CERS6: variants seen among roughly 807,000 people sequenced by gnomAD.
CERS6 encodes the protein LAG1 homolog, ceramide synthase 6.
A neutral mutation model predicts 56.8 loss-of-function variants in CERS6; 26 were observed. That is an observed-to-expected ratio of 0.46 (90% CI 0.34 to 0.63). CERS6 has a LOEUF of 0.63. Ranked by LOEUF, CERS6 falls within the 30% of genes least tolerant of loss-of-function variation. The pLI, the probability that CERS6 is intolerant of heterozygous loss-of-function variation, is 0.01. For missense variants in CERS6, 415 were observed against 467.5 expected, an observed-to-expected ratio of 0.89 and a Z score of 1.04; for synonymous variants, 164 against 173.3, an observed-to-expected ratio of 0.95 and a Z score of 0.42.
chr2:168,524,846 A>C (rs1030649251), intron 1 of CERS6, among the ~76,000 whole-genome samples: 2 of 150,900 alleles, frequency 1.3e-5, no homozygotes, highest in Non-Finnish European at 3.0e-5. Context: ...TAATTATAGT[A>C]TATATTAATA....
intron 1 of CERS6, among the ~76,000 whole-genome samples, chr2:168,529,914 A>G (rs1308867397): frequency 6.6e-6 from 1 of 150,426 alleles, no homozygotes; most frequent in African/African-American, 2.5e-5. Context: ...ATTTAGCTTC[A>G]GGGGCAATTT....
intron 1 of CERS6, among the ~76,000 whole-genome samples, chr2:168,522,512 A>G (rs1246544906): frequency 6.6e-6 from 1 of 151,926 alleles, no homozygotes; most frequent in African/African-American, 2.4e-5. Context: ...GAAGTTAGGA[A>G]TTGGCTCTTC....
At chr2:168,691,214 T>G in intron 5 of CERS6, 130 bp downstream of exon 5, 1 of 760,776 alleles carries the variant, frequency 1.3e-6, no homozygotes, top group South Asian at 1.5e-5. Context: ...CGCTGATCAG[T>G]GCTGGACATA....
At chr2:168,582,227 A>G (rs1007198380) in intron 3 of CERS6, among the ~76,000 whole-genome samples, 7 of 152,196 alleles carry the variant, frequency 4.6e-5, no homozygotes, top group African/African-American at 1.7e-4. Context: ...AGTGTCTTCT[A>G]TAATATCCTC....
At chr2:168,502,478 G>A (rs904857970) in intron 1 of CERS6, among the ~76,000 whole-genome samples, 3 of 152,152 alleles carry the variant, frequency 2.0e-5, no homozygotes, top group African/African-American at 7.2e-5. Flanking sequence ...AGCTTTGGCT[G>A]CTTCATCTGC....
intron 8 of CERS6, among the ~76,000 whole-genome samples, chr2:168,760,318 A>G (rs1409444226): frequency 6.6e-6 from 1 of 152,216 alleles, no homozygotes; most frequent in Non-Finnish European, 1.5e-5. Context: ...AGAAGCATCC[A>G]GCACGGGAGA....
At chr2:168,461,700 C>T (rs867781105) in intron 1 of CERS6, among the ~76,000 whole-genome samples, 7 of 152,080 alleles carry the variant, frequency 4.6e-5, no homozygotes, top group Admixed American at 3.9e-4. Flanking sequence ...TGTTAAGGGG[C>T]AGTGCCTTAG....
intron 1 of CERS6, among the ~76,000 whole-genome samples, chr2:168,483,220 T>C (rs1694209120): frequency 6.6e-6 from 1 of 152,220 alleles, no homozygotes; most frequent in African/African-American, 2.4e-5. Flanking sequence ...TTTTACTTCT[T>C]TTTTTATAGA....
chr2:168,564,619 T>C (rs188100046), intron 3 of CERS6, among the ~76,000 whole-genome samples: 164 of 152,242 alleles, frequency 1.1e-3, no homozygotes, highest in African/African-American at 3.7e-3. Context: ...TTCTAGAGGG[T>C]TGTGTTTTTA....
At chr2:168,601,787 T>C (rs780444345) in intron 3 of CERS6, among the ~76,000 whole-genome samples, 2 of 152,172 alleles carry the variant, frequency 1.3e-5, no homozygotes, top group African/African-American at 4.8e-5. Flanking sequence ...TGACATCAGG[T>C]GATCCGCCCA....
intron 1 of CERS6, among the ~76,000 whole-genome samples, chr2:168,476,420 ATGTCTTAGGGTTG>A (rs1298452214): frequency 6.6e-6 from 1 of 152,182 alleles, no homozygotes; most frequent in African/African-American, 2.4e-5. Context: ...TCAAGTATAT[ATGTCTTAGGGTTG>A]TGTCTTAGGG....
Position 168,719,703 on chromosome 2 carries a change from T to C in CERS6, c.845+1725T>C, listed in dbSNP as rs1280449735. ...TCTCTGTTATATCAGCAATCCATGG[T>C]CCTCAAAGACAGCATACACCATGAT... On this transcript the variant is annotated intron_variant, in intron 8 of 9. Coordinates refer to ENST00000305747, the MANE Select transcript of CERS6 (RefSeq NM_203463.3). 2.0e-5 allele frequency among the ~76,000 whole-genome samples: 3 copies of C among 152,282 alleles called. No individual in the cohort carries two copies. The East Asian group carries it at 5.8e-4, about 29-fold the overall frequency.
intron 4 of CERS6, among the ~76,000 whole-genome samples, chr2:168,650,144 T>C (rs1465615756): frequency 2.0e-5 from 3 of 152,194 alleles, no homozygotes; most frequent in African/African-American, 7.2e-5. Context: ...GCTCACTTGC[T>C]CCAGGTTTAA....
At chr2:168,625,781 T>C (rs2105290102) in intron 3 of CERS6, among the ~76,000 whole-genome samples, 1 of 152,238 alleles carries the variant, frequency 6.6e-6, no homozygotes, top group South Asian at 2.1e-4. Context: ...AGAAAAACCC[T>C]CTGGGTAATA....
chr2:168,631,665 TTTTATA>T (rs57817190), intron 4 of CERS6, among the ~76,000 whole-genome samples: 93,391 of 100,170 alleles, frequency 0.93, 43,814 homozygotes, highest in Non-Finnish European at 0.98. Context: ...ATATATAACA[TTTTATA>T]TTTATATTTA....
chr2:168,762,440 T>C (rs931383108), intron 8 of CERS6, among the ~76,000 whole-genome samples: 2 of 152,200 alleles, frequency 1.3e-5, no homozygotes, highest in Admixed American at 1.3e-4. Context: ...ACTCTGGTGT[T>C]TATTAATATG....
chr2:168,629,230 A>G (rs1403812269), intron 3 of CERS6, among the ~76,000 whole-genome samples: 4 of 152,232 alleles, frequency 2.6e-5, no homozygotes, highest in Non-Finnish European at 4.4e-5. Context: ...TGACTTCTGT[A>G]AAACTTTTTT....
chr2:168,659,328 A>G lies in CERS6; in HGVS notation c.465+28286A>G, dbSNP rs114231484. Among the ~76,000 whole-genome samples, 777 of 152,296 alleles carry G rather than the reference A, an allele frequency of 5.1e-3. 4 individuals carry two copies. The highest frequency in any genetic ancestry group is 0.017 in the African/African-American group (687 of 41,570). On this transcript the variant is annotated intron_variant, in intron 4 of 9. Coordinates refer to ENST00000305747, the MANE Select transcript of CERS6 (RefSeq NM_203463.3). Reference sequence around the variant, plus strand: ...TTCAAAAGAACATGAAAATAACAAAAATCTCCTTTTCTCTCCCTCACACGA... The same window carrying G: ...TTCAAAAGAACATGAAAATAACAAAGATCTCCTTTTCTCTCCCTCACACGA...
At position 168,469,780 on chromosome 2, in the gene CERS6, A is replaced by G. The variant is rs549907812; in HGVS notation, c.170+13162A>G. ...TACACTGTTCCTACCCACCCCCACA[A>G]CTGCAATACCACTGTCAGACACTGT... is the stretch of plus-strand genomic sequence containing the variant. On this transcript the variant is annotated intron_variant, in intron 1 of 9. Coordinates refer to ENST00000305747, the MANE Select transcript of CERS6 (RefSeq NM_203463.3). 3.3e-5 allele frequency among the ~76,000 whole-genome samples: 5 copies of G among 152,278 alleles called. No individual in the cohort carries two copies. In the South Asian group the frequency reaches 6.2e-4, roughly 19 times the overall value.
Sources: gnomAD v4.1 joint callset for allele counts (sites outside exome capture counted in the v4.1 genomes callset) on GRCh38, gnomAD v4.1.1 for gene constraint, MANE v1.5 for transcripts, NCBI Gene and HGNC (gene_info 2026-07-23, HGNC 2026-07-21) for gene names.